Variants in KHDRBS2 observed in about 807,000 individuals in gnomAD.
KHDRBS2 encodes KH RNA binding domain containing, signal transduction associated 2, also known as KH domain-containing, RNA-binding, signal transduction-associated protein 2.
A neutral mutation model predicts 44.3 loss-of-function variants in KHDRBS2; 26 were observed. The ratio of observed to expected loss-of-function variants is 0.59; its 90% CI spans 0.43 to 0.81. KHDRBS2 has a LOEUF of 0.81. KHDRBS2 is among the 40% of genes least tolerant of loss of function. KHDRBS2 has a pLI of 0.00. For synonymous variants in KHDRBS2, 194 were observed against 151.1 expected, an observed-to-expected ratio of 1.28 and a Z score of -2.08; for missense variants, 476 against 433.1, an observed-to-expected ratio of 1.10 and a Z score of -0.88.
chr6:61,746,556 T>C (rs1177120235), intron 6 of KHDRBS2, among the ~76,000 whole-genome samples: 1 of 152,186 alleles, frequency 6.6e-6, no homozygotes, highest in African/African-American at 2.4e-5. Flanking sequence ...CAGTCTTTCA[T>C]TGATGGGCAT....
At chr6:61,602,529 C>T in the KHDRBS2 span, among the ~76,000 whole-genome samples, 2 of 152,214 alleles carry the variant, frequency 1.3e-5, no homozygotes, top group South Asian at 2.1e-4. Flanking sequence ...GCCCAAGGCT[C>T]TCTGACTGAC....
chr6:61,691,581 T>C (rs1289807485), intron 8 of KHDRBS2, among the ~76,000 whole-genome samples: 1 of 152,054 alleles, frequency 6.6e-6, no homozygotes, highest in Non-Finnish European at 1.5e-5. Flanking sequence ...TATTTGCATA[T>C]ATTATTTTTA....
At chr6:62,281,441 G>A (rs1841784112) in intron 1 of KHDRBS2, among the ~76,000 whole-genome samples, 1 of 151,918 alleles carries the variant, frequency 6.6e-6, no homozygotes, top group African/African-American at 2.4e-5. Context: ...CCAACATGGT[G>A]AAATCCAGTC....
At chr6:62,152,147 C>A (rs1428057654) in intron 2 of KHDRBS2, among the ~76,000 whole-genome samples, 5 of 152,002 alleles carry the variant, frequency 3.3e-5, no homozygotes, top group Admixed American at 1.3e-4. Flanking sequence ...TGGAGAAACA[C>A]CGACTCTACT....
the KHDRBS2 span, among the ~76,000 whole-genome samples, chr6:61,558,877 G>A: frequency 6.6e-6 from 1 of 152,218 alleles, no homozygotes; most frequent in African/African-American, 2.4e-5. Flanking sequence ...GCTGAGGAAA[G>A]GAATATGTGT....
chr6:62,164,278 G>T (rs964841685), intron 2 of KHDRBS2, among the ~76,000 whole-genome samples: 1 of 151,854 alleles, frequency 6.6e-6, no homozygotes, highest in African/African-American at 2.4e-5. Flanking sequence ...AGTATTATTA[G>T]AATTTTTGTG....
intron 4 of KHDRBS2, among the ~76,000 whole-genome samples, chr6:61,960,625 T>G (rs1768460785): frequency 6.6e-6 from 1 of 152,080 alleles, no homozygotes; most frequent in African/African-American, 2.4e-5. Context: ...TTTGTAACAT[T>G]TCAACAAAAA....
At chr6:61,831,546 T>C (rs955013884) in intron 6 of KHDRBS2, among the ~76,000 whole-genome samples, 6 of 152,070 alleles carry the variant, frequency 3.9e-5, no homozygotes, top group East Asian at 1.9e-4. Context: ...CTGAGAAAAA[T>C]TGAATTCTGA....
the KHDRBS2 span, among the ~76,000 whole-genome samples, chr6:61,606,052 CCCTGACTGAGCA>C: frequency 6.6e-6 from 1 of 152,092 alleles, no homozygotes; most frequent in South Asian, 2.1e-4. Flanking sequence ...CTCAAAAGCT[CCCTGACTGAGCA>C]CCTTGTGAAC....
intron 1 of KHDRBS2, among the ~76,000 whole-genome samples, chr6:62,259,425 CT>C (rs949896893): frequency 2.4e-4 from 36 of 151,052 alleles, no homozygotes; most frequent in Non-Finnish European, 4.4e-4. Context: ...AGTTTTATAA[CT>C]TTTTTTTTAA....
At chr6:62,282,247 A>G (rs1841907177) in intron 1 of KHDRBS2, among the ~76,000 whole-genome samples, 1 of 152,208 alleles carries the variant, frequency 6.6e-6, no homozygotes, top group African/African-American at 2.4e-5. Context: ...AATATTTTTA[A>G]GATCTCATTT....
At chr6:61,668,144 A>G in the KHDRBS2 span, among the ~76,000 whole-genome samples, 2 of 151,028 alleles carry the variant, frequency 1.3e-5, no homozygotes, top group African/African-American at 4.8e-5. Context: ...ATACCAAAAT[A>G]CAGAACTCTT....
At chr6:61,801,467 A>C (rs1478344585) in intron 6 of KHDRBS2, among the ~76,000 whole-genome samples, 1 of 152,150 alleles carries the variant, frequency 6.6e-6, no homozygotes, top group Admixed American at 6.6e-5. Flanking sequence ...TGTGCATTGG[A>C]TTTGTATCTG....
chr6:61,637,393 G>A, the KHDRBS2 span, among the ~76,000 whole-genome samples: 1 of 152,036 alleles, frequency 6.6e-6, no homozygotes, highest in Non-Finnish European at 1.5e-5. Context: ...ATAGTATTCT[G>A]TGGTGTATAT....
chr6:62,125,100 A>G (rs2150085571), intron 2 of KHDRBS2, among the ~76,000 whole-genome samples: 1 of 152,324 alleles, frequency 6.6e-6, no homozygotes, highest in Admixed American at 6.5e-5. Context: ...TATCACTGAA[A>G]GAGGCACTGA....
chr6:61,574,421 C>T, the KHDRBS2 span: 2 of 1,502,154 alleles, frequency 1.3e-6, no homozygotes, highest in East Asian at 2.5e-5. Flanking sequence ...GACGAGAAGA[C>T]CATATGGAGC....
chr6:61,856,488 AC>A (rs1175952936), intron 6 of KHDRBS2, among the ~76,000 whole-genome samples: 2 of 152,036 alleles, frequency 1.3e-5, no homozygotes, highest in African/African-American at 4.8e-5. Context: ...TTTTTACTTT[AC>A]TTGAAAATAG....
At chr6:62,024,266 G>A (rs1344429718) in intron 3 of KHDRBS2, among the ~76,000 whole-genome samples, 1 of 151,300 alleles carries the variant, frequency 6.6e-6, no homozygotes, top group Non-Finnish European at 1.5e-5. Flanking sequence ...TCGAAATTTA[G>A]AGATAAAAAG....
chr6:61,763,855 G>T (rs1779617646), intron 6 of KHDRBS2, among the ~76,000 whole-genome samples: 2 of 152,232 alleles, frequency 1.3e-5, no homozygotes, highest in Admixed American at 6.5e-5. Context: ...GGATCCATGT[G>T]CAGGACGTGC....
Sources: gnomAD v4.1 joint callset for allele counts (sites outside exome capture counted in the v4.1 genomes callset) on GRCh38, gnomAD v4.1.1 for gene constraint, MANE v1.5 for transcripts, NCBI Gene and HGNC (gene_info 2026-07-23, HGNC 2026-07-21) for gene names.